Variants in DAP observed in about 807,000 individuals in gnomAD.
DAP encodes death-associated protein 1.
Under a neutral mutation model 13.8 loss-of-function variants are expected in DAP, and 8 were observed. The ratio of observed to expected loss-of-function variants is 0.58; its 90% CI spans 0.34 to 1.05. DAP has a LOEUF of 1.05. DAP is among the 50% of genes least tolerant of loss of function. DAP has a pLI of 0.03. For synonymous variants in DAP, 47 were observed against 47.5 expected (o/e 0.99, Z 0.04); for missense variants, 106 against 133.2 (o/e 0.80, Z 1.01).
intron 2 of DAP, among the ~76,000 whole-genome samples, chr5:10,702,522 T>C (rs997853496): frequency 5.9e-5 from 9 of 152,156 alleles, no homozygotes; most frequent in Admixed American, 1.3e-4. Context: ...ACCTGGAAGA[T>C]TGGCTTTTCT....
chr5:10,754,589 A>G (rs1403326836), intron 1 of DAP, among the ~76,000 whole-genome samples: 1 of 152,206 alleles, frequency 6.6e-6, no homozygotes, highest in African/African-American at 2.4e-5. Flanking sequence ...GACCCAAAGG[A>G]CAAAATGAGT....
intron 2 of DAP, among the ~76,000 whole-genome samples, chr5:10,692,663 G>GT (rs1208519150): frequency 6.6e-6 from 1 of 152,120 alleles, no homozygotes; most frequent in Non-Finnish European, 1.5e-5. Flanking sequence ...GGTTTCTAGA[G>GT]TTTTGCCTAG....
intron 2 of DAP, among the ~76,000 whole-genome samples, chr5:10,713,671 C>G (rs1406158355): frequency 6.6e-6 from 1 of 152,230 alleles, no homozygotes; most frequent in Non-Finnish European, 1.5e-5. Context: ...ACTCCGTCCA[C>G]TAGAGGCTGA....
intron 1 of DAP, among the ~76,000 whole-genome samples, chr5:10,758,655 G>A (rs942257851): frequency 6.6e-6 from 1 of 152,172 alleles, no homozygotes; most frequent in African/African-American, 2.4e-5. Context: ...CCCACCCTGT[G>A]ACTTGCCCCG....
intron 1 of DAP, 66 bp from the exon 2 acceptor site, chr5:10,748,337 A>C: frequency 2.8e-6 from 4 of 1,411,738 alleles, no homozygotes; most frequent in African/African-American, 2.8e-5. Flanking sequence ...CAGGGGGACC[A>C]GCTGGAAAGG....
At chr5:10,760,279 GGA>G (rs1740307968) in intron 1 of DAP, among the ~76,000 whole-genome samples, 1 of 152,202 alleles carries the variant, frequency 6.6e-6, no homozygotes. Flanking sequence ...CCACTGGAAA[GGA>G]GAGTAGAAAC....
intron 2 of DAP, among the ~76,000 whole-genome samples, chr5:10,739,402 T>C (rs1010256360): frequency 2.0e-5 from 3 of 151,950 alleles, no homozygotes; most frequent in African/African-American, 4.8e-5. Flanking sequence ...ATAACAGCTA[T>C]CACTTAATAC....
chr5:10,696,059 AG>A (rs1286736547), intron 2 of DAP, among the ~76,000 whole-genome samples: 2 of 152,172 alleles, frequency 1.3e-5, no homozygotes, highest in African/African-American at 2.4e-5. Context: ...CTGTGTGCCC[AG>A]CACTCTTCCC....
At position 10,740,828 on chromosome 5, in the gene DAP, AT is replaced by A. The variant is rs1739735493; in HGVS notation, c.152+7346del. Among the ~76,000 whole-genome samples, 4 of 152,374 alleles carry A rather than the reference AT, an allele frequency of 2.6e-5. No homozygotes were observed. In the South Asian group the frequency reaches 8.3e-4, roughly 32 times the overall value. ...ACAGACAGAAACCCAGTGGGAAGAAATAAAGGACACCAGACAGAATGAACAT... is the reference window on the plus strand; with the variant it reads ...ACAGACAGAAACCCAGTGGGAAGAAAAAAGGACACCAGACAGAATGAACAT... On this transcript the variant is annotated intron_variant, in intron 2 of 3. Coordinates refer to ENST00000230895, the MANE Select transcript of DAP (RefSeq NM_004394.3).
At chr5:10,757,667 G>A (rs1163924728) in intron 1 of DAP, among the ~76,000 whole-genome samples, 1 of 152,198 alleles carries the variant, frequency 6.6e-6, no homozygotes, top group Non-Finnish European at 1.5e-5. Flanking sequence ...GCTTAGAAGT[G>A]TGTCAGCACA....
chr5:10,707,964 A>T lies in DAP; in HGVS notation c.153-24393T>A, dbSNP rs1459187163. Among the ~76,000 whole-genome samples the T allele has an allele frequency of 6.6e-6, 1 of 152,210 alleles. No individual in the cohort carries two copies. The highest frequency in any genetic ancestry group is 2.1e-4 in the South Asian group (1 of 4,836). ...TAGGCTTGAAATTCTTAAGAGTTGG[A>T]TGCTACACTGAAGAGCTGAATCATC... On this transcript the variant is annotated intron_variant, in intron 2 of 3. Coordinates refer to ENST00000230895, the MANE Select transcript of DAP (RefSeq NM_004394.3). This position sits in a 1 kb window ranked among gnomAD's most constrained non-coding sequence, Gnocchi z 4.0.
At chr5:10,732,341 C>T (rs1250378094) in intron 2 of DAP, among the ~76,000 whole-genome samples, 1 of 152,246 alleles carries the variant, frequency 6.6e-6, no homozygotes, top group African/African-American at 2.4e-5. Context: ...TAAGCTGTCA[C>T]TCACCATTCC....
chr5:10,718,293 G>A (rs1739047320), intron 2 of DAP, among the ~76,000 whole-genome samples: 1 of 152,114 alleles, frequency 6.6e-6, no homozygotes, highest in South Asian at 2.1e-4. Flanking sequence ...CTTACAGTGG[G>A]TCCAGCGGGT....
intron 2 of DAP, among the ~76,000 whole-genome samples, chr5:10,690,407 TTATC>T (rs1418466372): frequency 2.6e-5 from 4 of 152,036 alleles, no homozygotes; most frequent in Admixed American, 2.0e-4. Flanking sequence ...ATCATCACCT[TTATC>T]TATTTCCAGA....
chr5:10,739,839 A>G (rs2126672871), intron 2 of DAP, among the ~76,000 whole-genome samples: 1 of 151,960 alleles, frequency 6.6e-6, no homozygotes, highest in African/African-American at 2.4e-5. Flanking sequence ...TTGAACAGAA[A>G]AGGCATGCTG....
chr5:10,717,452 C>T (rs934525174), intron 2 of DAP, among the ~76,000 whole-genome samples: 6 of 152,190 alleles, frequency 3.9e-5, no homozygotes, highest in Non-Finnish European at 7.3e-5. Context: ...TGAAGCTGGG[C>T]ACACTGAGTT....
intron 2 of DAP, among the ~76,000 whole-genome samples, chr5:10,717,948 C>T (rs1403503594): frequency 2.0e-5 from 3 of 152,314 alleles, no homozygotes; most frequent in Non-Finnish European, 4.4e-5. Context: ...AACAGAATCA[C>T]GGCTCCTCAA....
chr5:10,693,320 G>C (rs558490274), intron 2 of DAP, among the ~76,000 whole-genome samples: 4 of 152,180 alleles, frequency 2.6e-5, no homozygotes, highest in Admixed American at 6.5e-5. Flanking sequence ...CTCTGCAAAT[G>C]CTGTCTCCTT....
chr5:10,760,981 C>A lies in DAP; in HGVS notation c.55+33G>T, dbSNP rs1290564915. 7.4e-6 allele frequency: 9 copies of A among 1,208,928 alleles called. No individual in the cohort carries two copies. The African/African-American group carries it at 1.4e-4, about 19-fold the overall frequency. The allele number at this position is 1,208,928 out of a possible 1,614,324, so 74.9% of individuals were successfully genotyped here. On this transcript the variant is annotated intron_variant, in intron 1 of 3. Coordinates refer to ENST00000230895, the MANE Select transcript of DAP (RefSeq NM_004394.3). Reference sequence around the variant, plus strand: ...CCGGGTTCGAGCCCGCCCCCGGCACCCGCGCGTGGAGAGAGAGGAAAAGAG... The same window carrying A: ...CCGGGTTCGAGCCCGCCCCCGGCACACGCGCGTGGAGAGAGAGGAAAAGAG...
Sources: allele counts gnomAD v4.1 joint callset (sites outside exome capture counted in the v4.1 genomes callset), GRCh38; gene constraint gnomAD v4.1.1; non-coding constraint Gnocchi (gnomAD v3.1); transcripts MANE v1.5; gene names NCBI Gene and HGNC (gene_info 2026-07-23, HGNC 2026-07-21).